AUTS2: variants seen among roughly 807,000 people sequenced by gnomAD.
The protein encoded by AUTS2 is activator of transcription and developmental regulator AUTS2.
Under a neutral mutation model 112.4 loss-of-function variants are expected in AUTS2, and 17 were observed. The ratio of observed to expected loss-of-function variants is 0.15; its 90% CI spans 0.10 to 0.23. The LOEUF is 0.23. AUTS2 is among the 10% of genes least tolerant of loss of function. AUTS2 has a pLI of 1.00. For missense variants in AUTS2, 1,510 were observed against 1,701.6 expected (o/e 0.89, Z 1.98); for synonymous variants, 751 against 702.7 (o/e 1.07, Z -1.09).
chr7:70,412,160 G>T (rs750590940), intron 4 of AUTS2, among the ~76,000 whole-genome samples: 62 of 152,034 alleles, frequency 4.1e-4, no homozygotes, highest in Non-Finnish European at 6.6e-4. Flanking sequence ...CTCCCAAAGT[G>T]CTGGGATTAC....
In AUTS2 at chr7:70,240,584, C is replaced by G. The variant is rs543810336; in HGVS notation, c.660+106013C>G. 3.3e-5 allele frequency among the ~76,000 whole-genome samples: 5 copies of G among 152,268 alleles called. No homozygotes were observed. The South Asian group carries it at 1.0e-3, about 32-fold the overall frequency. ...CCATTCTTCTTTATGTTGGTTTTGG[C>G]CCTTTGTGTCCCCATCTCTAGCCCT... On this transcript the variant is annotated intron_variant, in intron 4 of 18. Coordinates refer to ENST00000342771, the MANE Select transcript of AUTS2 (RefSeq NM_015570.4).
chr7:69,962,499 A>G (rs1317240910), intron 2 of AUTS2, among the ~76,000 whole-genome samples: 2 of 152,178 alleles, frequency 1.3e-5, no homozygotes, highest in African/African-American at 4.8e-5. Flanking sequence ...AGCAGATTGT[A>G]AGATAGAAAC....
intron 1 of AUTS2, among the ~76,000 whole-genome samples, chr7:69,673,226 C>A (rs967101238): frequency 1.3e-5 from 2 of 152,076 alleles, no homozygotes; most frequent in Non-Finnish European, 2.9e-5. Context: ...CAGAAGGAGA[C>A]TGTCTGGTTA....
chr7:70,698,658 T>G, intron 6 of AUTS2, 38 bp downstream of exon 6: 1 of 1,469,722 alleles, frequency 6.8e-7, no homozygotes, highest in Non-Finnish European at 9.4e-7. Flanking sequence ...TGGCTTATTT[T>G]TATGTTAGTT....
intron 4 of AUTS2, among the ~76,000 whole-genome samples, chr7:70,136,377 T>C (rs1364206239): frequency 6.6e-6 from 1 of 152,200 alleles, no homozygotes; most frequent in East Asian, 1.9e-4. Context: ...GTGTTTCCAA[T>C]AATGTGATTG....
At chr7:70,238,147 C>T (rs1274338311) in intron 4 of AUTS2, among the ~76,000 whole-genome samples, 1 of 152,190 alleles carries the variant, frequency 6.6e-6, no homozygotes, top group Non-Finnish European at 1.5e-5. Flanking sequence ...ATTTAATTTG[C>T]AACATTCAAA....
In AUTS2 at chr7:69,817,710, T is replaced by C. The variant is rs144439444; in HGVS notation, c.310-81576T>C. On this transcript the variant is annotated intron_variant, in intron 1 of 18. Coordinates refer to ENST00000342771, the MANE Select transcript of AUTS2 (RefSeq NM_015570.4). ...GGAGAGCTGGGCAGAGGTGGAGTTA[T>C]GATATTTAAACCATGGCCTGCCTTG... 1.5e-3 allele frequency among the ~76,000 whole-genome samples: 235 copies of C among 152,224 alleles called. 2 individuals carry two copies. Among genetic ancestry groups the C allele is most frequent in the African/African-American group, 4.7e-3 (195 of 41,530 alleles).
intron 13 of AUTS2, chr7:70,776,815 GA>G: frequency 1.1e-5 from 5 of 456,290 alleles, no homozygotes; most frequent in South Asian, 9.3e-5. Flanking sequence ...AAGAGGCACA[GA>G]GTGGGATTCA....
At chr7:70,499,204 A>G (rs1798679260) in intron 5 of AUTS2, among the ~76,000 whole-genome samples, 2 of 152,240 alleles carry the variant, frequency 1.3e-5, no homozygotes, top group African/African-American at 4.8e-5. Flanking sequence ...CGCAGGACAG[A>G]CATTGTGCTA....
chr7:69,788,559 C>G (rs1037101056), intron 1 of AUTS2, among the ~76,000 whole-genome samples: 3 of 152,126 alleles, frequency 2.0e-5, no homozygotes, highest in African/African-American at 7.2e-5. Context: ...TTTCTAAAGT[C>G]CTTACAGTAG....
rs111470904 is a variant in AUTS2 at position 70,684,544 on chromosome 7, T to TGTGGC, written c.691-14011_691-14007dup. On this transcript the variant is annotated intron_variant, in intron 5 of 18. Transcript: ENST00000342771. The stretch of plus-strand genomic sequence containing the variant: ...TATGGTGTGGCGTGATGTGGTGTGG[T>TGTGGC]GTGGCGTGGCGTGGCGTGTTGTGGC... Among the ~76,000 whole-genome samples, 1,390 of 147,688 alleles carry TGTGGC rather than the reference T, an allele frequency of 9.4e-3. 23 individuals carry two copies. Among genetic ancestry groups the TGTGGC allele is most frequent in the East Asian group, 0.066 (333 of 5,038 alleles).
At chr7:70,226,140 A>G (rs549560726) in intron 4 of AUTS2, among the ~76,000 whole-genome samples, 4 of 152,146 alleles carry the variant, frequency 2.6e-5, no homozygotes, top group Non-Finnish European at 5.9e-5. Flanking sequence ...TTGTATGATT[A>G]TAAGCTATTG....
At chr7:70,735,523 G>C (rs1787731038) in intron 6 of AUTS2, among the ~76,000 whole-genome samples, 1 of 152,136 alleles carries the variant, frequency 6.6e-6, no homozygotes, top group Admixed American at 6.5e-5. Context: ...TTGACTTTAA[G>C]GACCGCGAGG....
intron 1 of AUTS2, among the ~76,000 whole-genome samples, chr7:69,713,541 A>C (rs939584742): frequency 2.0e-5 from 3 of 151,522 alleles, no homozygotes; most frequent in African/African-American, 7.3e-5. Context: ...GTTCACTGAA[A>C]TCTCTGCCTC....
At chr7:70,406,665 T>G (rs1794550564) in intron 4 of AUTS2, among the ~76,000 whole-genome samples, 1 of 152,232 alleles carries the variant, frequency 6.6e-6, no homozygotes, top group Non-Finnish European at 1.5e-5. Context: ...CTGTATCAAT[T>G]GGAAATCAGT....
chr7:70,507,895 A>G (rs1799031116), intron 5 of AUTS2, among the ~76,000 whole-genome samples: 1 of 152,268 alleles, frequency 6.6e-6, no homozygotes, highest in Non-Finnish European at 1.5e-5. Context: ...GTGTGTGTGC[A>G]TGTACCTCAT....
At chr7:70,275,492 T>A (rs1787885325) in intron 4 of AUTS2, among the ~76,000 whole-genome samples, 1 of 152,126 alleles carries the variant, frequency 6.6e-6, no homozygotes, top group South Asian at 2.1e-4. Context: ...ATTAATAATG[T>A]GAATACTCTT....
intron 1 of AUTS2, among the ~76,000 whole-genome samples, chr7:69,753,137 T>C (rs1049177107): frequency 1.3e-5 from 2 of 152,094 alleles, no homozygotes; most frequent in Non-Finnish European, 2.9e-5. Flanking sequence ...TACCTCGCAG[T>C]TGGAAAACTT....
chr7:69,968,112 A>G (rs1296539780), intron 2 of AUTS2, among the ~76,000 whole-genome samples: 1 of 152,228 alleles, frequency 6.6e-6, no homozygotes, highest in African/African-American at 2.4e-5. Context: ...TAGATTGAAT[A>G]GAGAATTTTC....
Sources: gnomAD v4.1 joint callset for allele counts (sites outside exome capture counted in the v4.1 genomes callset) on GRCh38, gnomAD v4.1.1 for gene constraint, MANE v1.5 for transcripts, NCBI Gene and HGNC (gene_info 2026-07-23, HGNC 2026-07-21) for gene names.